Variants in BDNF observed in about 807,000 individuals in gnomAD.
BDNF encodes the protein brain derived neurotrophic factor.
In BDNF, 1 loss-of-function variant was observed where a neutral mutation model predicts 19.5. That is an observed-to-expected ratio of 0.05 (90% CI 0.02 to 0.24). The LOEUF (loss-of-function observed/expected upper bound fraction) is 0.24. Ranked by LOEUF, BDNF falls within the 10% of genes least tolerant of loss-of-function variation. The pLI is 1.00. For missense variants in BDNF, 195 were observed against 317.6 expected (o/e 0.61, Z 2.93); for synonymous variants, 100 against 121.6 (o/e 0.82, Z 1.17).
chr11:27,660,095 A>T, intron 1 of BDNF: 1 of 725,086 alleles, frequency 1.4e-6, no homozygotes, highest in Non-Finnish European at 1.8e-6. Flanking sequence ...ATATCCAAAT[A>T]AGTAGGAAAA....
At chr11:27,719,194 T>A (rs1376075356) in intron 1 of BDNF, among the ~76,000 whole-genome samples, 1 of 151,982 alleles carries the variant, frequency 6.6e-6, no homozygotes, top group Non-Finnish European at 1.5e-5. Context: ...GCCGCTTCTA[T>A]CTCACCCGCC....
Position 27,657,838 on chromosome 11 carries a change from T to A in BDNF, c.727A>T (p.Ile243Phe), listed in dbSNP as rs745999049. The A allele has an allele frequency of 6.2e-7, 1 of 1,614,024 alleles. No homozygotes were observed. Among genetic ancestry groups the A allele is most frequent in the Non-Finnish European group, 8.5e-7 (1 of 1,179,866 alleles). ...TAAATCCACTATCTTCCCCTTTTAA[T>A]GGTCAATGTACATACACAAGAAGTG... ...IDTSCVCTLT[I>F]KRGR The change falls in exon 2 of 2, where the codon ATT (isoleucine) becomes TTT (phenylalanine). Residue 243 changes from isoleucine to phenylalanine, a missense_variant. By Grantham distance (21) the Ile-to-Phe change is conservative (BLOSUM62 0). Coordinates refer to ENST00000356660, the MANE Select transcript of BDNF (RefSeq NM_001709.5). The surrounding 1 kb of genome is among the most constrained non-coding windows in gnomAD (Gnocchi z 5.0).
exon 1 of BDNF, chr11:27,721,537 C>T (rs1565000582): frequency 4.9e-6 from 5 of 1,024,530 alleles, no homozygotes; most frequent in Non-Finnish European, 7.7e-6. Context: ...CAGTGGATCG[C>T]CCACCACTTG....
At chr11:27,700,862 C>T (rs1590467770), upstream of BDNF, 2 of 1,266,484 alleles carry the variant, frequency 1.6e-6, no homozygotes, top group Non-Finnish European at 2.1e-6. Flanking sequence ...GAGTGAGAAT[C>T]GCACGCCCCG....
intron 1 of BDNF, chr11:27,720,609 C>T: frequency 1.0e-6 from 1 of 985,626 alleles, no homozygotes; most frequent in Non-Finnish European, 1.2e-6. Flanking sequence ...AAGGGCGACA[C>T]AGGGTTGGCT....
At chr11:27,719,676 G>A in intron 1 of BDNF, 1 of 984,178 alleles carries the variant, frequency 1.0e-6, no homozygotes, top group Non-Finnish European at 1.2e-6. Context: ...ATCCAGCGAG[G>A]AGCGAGGGCG....
chr11:27,700,904 C>T (rs1859854639), upstream of BDNF: 11 of 1,317,280 alleles, frequency 8.4e-6, no homozygotes, highest in Admixed American at 2.0e-4. Flanking sequence ...CAACTCTCCC[C>T]TTCCTCCCCA....
intron 1 of BDNF, among the ~76,000 whole-genome samples, chr11:27,716,344 G>A (rs1362309844): frequency 2.6e-5 from 4 of 151,758 alleles, no homozygotes; most frequent in East Asian, 3.9e-4. Context: ...TAAGTAGTAC[G>A]CAATGTTCTT....
At position 27,700,448 on chromosome 11, in the gene BDNF, C is replaced by T; in HGVS notation, c.-306G>A. On this transcript the variant is annotated 5_prime_UTR_variant, in exon 1 of 2. Coordinates refer to ENST00000356660, the MANE Select transcript of BDNF (RefSeq NM_001709.5). ...CGGCAGCGTCGGGGACCCGGAGCTC[C>T]AGGCTGCGCCTTGCGCCCGGGTCAG... is the stretch of plus-strand genomic sequence containing the variant. 1.0e-6 allele frequency: 1 copy of T among 984,640 alleles called. No homozygotes were observed. The highest frequency in any genetic ancestry group is 1.2e-6 in the Non-Finnish European group (1 of 829,460). 61.0% of individuals were successfully genotyped at this position (984,640 alleles called of 1,614,324 possible).
At chr11:27,673,275 T>G (rs1422444292) in intron 1 of BDNF, among the ~76,000 whole-genome samples, 1 of 148,364 alleles carries the variant, frequency 6.7e-6, no homozygotes. Flanking sequence ...GCAAGGGTGA[T>G]GCAACTGCAT....
At chr11:27,677,014 CGT>C (rs576772850) in intron 1 of BDNF, 37 of 152,326 alleles carry the variant, frequency 2.4e-4, no homozygotes, top group Non-Finnish European at 4.1e-4. Context: ...GGGTCCATTC[CGT>C]GTGTGTCACT....
chr11:27,692,327 C>T (rs1374441459), intron 1 of BDNF, among the ~76,000 whole-genome samples: 1 of 152,118 alleles, frequency 6.6e-6, no homozygotes, highest in Non-Finnish European at 1.5e-5. Context: ...TTTCAGCCTT[C>T]CTACCTTTCT....
At position 27,719,514 on chromosome 11, in the gene BDNF, G is replaced by A. The variant is rs566921439; in HGVS notation, c.3+1898C>T. 2.1e-5 allele frequency: 21 copies of A among 985,482 alleles called. No individual in the cohort carries two copies. In the South Asian group the frequency reaches 8.5e-4, roughly 40 times the overall value. 61.0% of individuals were successfully genotyped at this position (985,482 alleles called of 1,614,324 possible). A position where few individuals can be genotyped will look rare whatever the true frequency, so the allele number is the denominator to read the frequency against. ...AGTTACCCCGACTGACTCGGACCTG[G>A]GCTCAGTGAGGCATCCGGCCCGGCT... On this transcript the variant is annotated intron_variant, in intron 1 of 1. Transcript: ENST00000314915.
intron 1 of BDNF, among the ~76,000 whole-genome samples, chr11:27,679,726 CTATT>C (rs1432325886): frequency 2.6e-5 from 4 of 152,270 alleles, no homozygotes; most frequent in East Asian, 1.9e-4. Flanking sequence ...TCTTAAAAAA[CTATT>C]TATGTGAACA....
chr11:27,714,995 G>A (rs1197560219), intron 1 of BDNF, among the ~76,000 whole-genome samples: 1 of 152,108 alleles, frequency 6.6e-6, no homozygotes, highest in African/African-American at 2.4e-5. Flanking sequence ...CAAATAAAGA[G>A]ACCAGTCTTT....
intron 1 of BDNF, among the ~76,000 whole-genome samples, chr11:27,681,859 G>A (rs1856868565): frequency 6.6e-6 from 1 of 152,136 alleles, no homozygotes; most frequent in Non-Finnish European, 1.5e-5. Context: ...CCAATACCCT[G>A]TTGAGAGGTT....
intron 1 of BDNF, chr11:27,674,212 G>GAAAC (rs773125286): frequency 6.2e-7 from 1 of 1,601,914 alleles, no homozygotes. Context: ...CCTTTCTGTA[G>GAAAC]AAACTCAGCA....
At chr11:27,702,265 G>A (rs1274718872), upstream of BDNF, among the ~76,000 whole-genome samples, 1 of 152,234 alleles carries the variant, frequency 6.6e-6, no homozygotes, top group African/African-American at 2.4e-5. Flanking sequence ...TCACCTGGGT[G>A]AGTGTTAAAA....
In BDNF at chr11:27,658,437, A is replaced by G; in HGVS notation, c.128T>C (p.Leu43Pro). Residue 43 changes from leucine to proline, a missense_variant, in exon 2 of 2, where the codon CTG (leucine) becomes CCG (proline). Leu to Pro is a moderately conservative substitution (Grantham distance 98, BLOSUM62 -3). Coordinates refer to ENST00000356660, the MANE Select transcript of BDNF (RefSeq NM_001709.5). The surrounding 1 kb of genome is among the most constrained non-coding windows in gnomAD (Gnocchi z 5.7). Reference protein sequence around the residue: ...AYPGVRTHGTLESVNGPKAGS... With the variant: ...AYPGVRTHGTPESVNGPKAGS... ...TGCCTTGGGCCCATTCACGCTCTCC[A>G]GAGTCCCATGGGTCCGCACACCTGG... The G allele has an allele frequency of 6.2e-7, 1 of 1,614,208 alleles. No homozygotes were observed.
Sources: gnomAD v4.1 joint callset for allele counts (sites outside exome capture counted in the v4.1 genomes callset) on GRCh38, gnomAD v4.1.1 for gene constraint, Gnocchi (gnomAD v3.1) non-coding constraint, MANE v1.5 for transcripts, NCBI Gene and HGNC (gene_info 2026-07-23, HGNC 2026-07-21) for gene names.